Variants in SULT2A1 observed in about 807,000 individuals in gnomAD.
SULT2A1 encodes the protein sulfotransferase 2A1.
In SULT2A1, 43 loss-of-function variants were observed where a neutral mutation model predicts 33.9. The ratio of observed to expected loss-of-function variants is 1.27; its 90% confidence interval spans 1.00 to 1.64. The LOEUF (loss-of-function observed/expected upper bound fraction) is 1.64, where lower values mean the gene tolerates loss of function less well. Ranked by LOEUF, SULT2A1 falls within the 40% of genes most tolerant of loss-of-function variation. The pLI, the probability that SULT2A1 is intolerant of heterozygous loss-of-function variation, is 0.00. For synonymous variants in SULT2A1, 125 were observed against 113.6 expected, an observed-to-expected ratio of 1.10 and a Z score of -0.64; for missense variants, 300 against 335.1, an observed-to-expected ratio of 0.90 and a Z score of 0.82.
At chr19:47,873,323 C>T (rs1045787662) in intron 5 of SULT2A1, among the ~76,000 whole-genome samples, 1 of 151,996 alleles carries the variant, frequency 6.6e-6, no homozygotes, top group Non-Finnish European at 1.5e-5. Flanking sequence ...GCGCCCACCA[C>T]CACACTTGGC....
At chr19:47,877,670 C>T (rs1968560106) in intron 4 of SULT2A1, among the ~76,000 whole-genome samples, 1 of 151,354 alleles carries the variant, frequency 6.6e-6, no homozygotes, top group Non-Finnish European at 1.5e-5. Flanking sequence ...CTACCTCAGC[C>T]TCCCAAGTAG....
chr19:47,871,680 G>C (rs1968493901), intron 5 of SULT2A1, 113 bp from the exon 6 acceptor site: 11 of 725,662 alleles, frequency 1.5e-5, no homozygotes, highest in South Asian at 3.2e-5. Flanking sequence ...GATGGTTCGT[G>C]GTGGGCCTTT....
In SULT2A1 at chr19:47,871,095, C is replaced by T; in HGVS notation, c.*360G>A. 1 of 177,472 alleles carries T rather than the reference C, an allele frequency of 5.6e-6. No homozygotes were observed. Among genetic ancestry groups the T allele is most frequent in the Non-Finnish European group, 1.2e-5 (1 of 84,340 alleles). The allele number at this position is 177,472 out of a possible 1,614,324, so 11.0% of individuals were successfully genotyped here. A position where few individuals can be genotyped will look rare whatever the true frequency, so the allele number is the denominator to read the frequency against. On this transcript the variant is annotated 3_prime_UTR_variant, in exon 6 of 6. Transcript: ENST00000222002. Reference sequence around the variant, plus strand: ...CTGACCCCGTGATCCTCCCCCACCCCCCCGACCTCCCAAAGTGCTGGGATT... The same window carrying T: ...CTGACCCCGTGATCCTCCCCCACCCTCCCGACCTCCCAAAGTGCTGGGATT...
At chr19:47,873,051 C>T (rs1041653680) in intron 5 of SULT2A1, among the ~76,000 whole-genome samples, 9 of 152,044 alleles carry the variant, frequency 5.9e-5, no homozygotes, top group Non-Finnish European at 7.4e-5. Context: ...CGTGAGCCAC[C>T]GTACCCGGCC....
chr19:47,873,314 C>T (rs1019777249), intron 5 of SULT2A1, among the ~76,000 whole-genome samples: 1 of 151,832 alleles, frequency 6.6e-6, no homozygotes, highest in African/African-American at 2.4e-5. Flanking sequence ...GGATTACAGG[C>T]GCCCACCACC....
At chr19:47,874,407 C>T (rs185718634) in intron 5 of SULT2A1, among the ~76,000 whole-genome samples, 5 of 151,950 alleles carry the variant, frequency 3.3e-5, no homozygotes, top group African/African-American at 7.2e-5. Flanking sequence ...GGTGTGGTGG[C>T]GTGTGCCTGT....
At chr19:47,876,826 G>A (rs1968549195) in intron 4 of SULT2A1, among the ~76,000 whole-genome samples, 1 of 145,498 alleles carries the variant, frequency 6.9e-6, no homozygotes, top group Non-Finnish European at 1.5e-5. Flanking sequence ...TGTAATCCTA[G>A]CACTTTGGGA....
chr19:47,886,264 G>T lies in SULT2A1; in HGVS notation c.-7C>A. 1.2e-6 allele frequency: 2 copies of T among 1,613,766 alleles called. No individual in the cohort carries two copies. Among genetic ancestry groups the T allele is most frequent in the Non-Finnish European group, 1.7e-6 (2 of 1,179,864 alleles). The stretch of plus-strand genomic sequence containing the variant: ...ATAAGAAATCGTCCGACATGATGAT[G>T]ACCTCTTCCTGCGTGGTGTGAGGGT... On this transcript the variant is annotated 5_prime_UTR_variant, in exon 1 of 6. Transcript: ENST00000222002.
intron 4 of SULT2A1, among the ~76,000 whole-genome samples, chr19:47,878,282 T>C (rs562746120): frequency 5.3e-5 from 8 of 152,150 alleles, no homozygotes; most frequent in Non-Finnish European, 1.2e-4. Context: ...GCTCAAGTAA[T>C]TCCCCTGGCC....
Position 47,879,262 on chromosome 19 carries a change from A to C in SULT2A1, c.473-132T>G. The C allele has an allele frequency of 4.6e-6, 3 of 648,284 alleles. No homozygotes were observed. The South Asian group carries it at 5.2e-5, about 11-fold the overall frequency. 40.2% of individuals were successfully genotyped at this position (648,284 alleles called of 1,614,324 possible). A position where few individuals can be genotyped will look rare whatever the true frequency, so the allele number is the denominator to read the frequency against. On this transcript the variant is annotated intron_variant, in intron 3 of 5. Coordinates refer to ENST00000222002, the MANE Select transcript of SULT2A1 (RefSeq NM_003167.4). ...TAAAACTTGAATGAAACTTGGTCGA[A>C]GGGGACCAACAAATGGTATATATTT...
Position 47,883,629 on chromosome 19 carries a change from G to A in SULT2A1, c.293C>T (p.Ser98Phe), listed in dbSNP as rs1383819713. ...GGGGAATAACTGGATGGGGAGGTGGGAGGAGAATAAACGTGGACTCTCCGT... is the reference window on the plus strand; with the variant it reads ...GGGGAATAACTGGATGGGGAGGTGGAAGGAGAATAAACGTGGACTCTCCGT... ...SETESPRLFS[S>F]HLPIQLFPKS... Residue 98 changes from serine to phenylalanine, a missense_variant, in exon 2 of 6, where the codon TCC becomes TTC. Ser to Phe is a radical substitution (Grantham distance 155). Coordinates refer to ENST00000222002, the MANE Select transcript of SULT2A1 (RefSeq NM_003167.4). The A allele has an allele frequency of 1.2e-6, 2 of 1,613,932 alleles. No homozygotes were observed. Among genetic ancestry groups the A allele is most frequent in the African/African-American group, 1.3e-5 (1 of 74,886 alleles).
At chr19:47,878,187 AT>A (rs1342623624) in intron 4 of SULT2A1, among the ~76,000 whole-genome samples, 6 of 151,888 alleles carry the variant, frequency 4.0e-5, no homozygotes, top group African/African-American at 1.5e-4. Flanking sequence ...CCTTATTTTT[AT>A]TTTTAGAGCC....
intron 4 of SULT2A1, among the ~76,000 whole-genome samples, chr19:47,876,309 C>A (rs766991998): frequency 6.6e-6 from 1 of 152,152 alleles, no homozygotes; most frequent in South Asian, 2.1e-4. Flanking sequence ...AACCACCGCA[C>A]CTGGCCAACA....
intron 3 of SULT2A1, among the ~76,000 whole-genome samples, chr19:47,880,650 G>T (rs929936002): frequency 1.3e-5 from 2 of 151,634 alleles, no homozygotes; most frequent in African/African-American, 4.8e-5. Flanking sequence ...GCCATGGAGT[G>T]ATCTCGGCTC....
rs567736909 is a variant in SULT2A1, at chr19:47,886,294, A to G, written c.-37T>C. 12 of 1,611,128 alleles carry G rather than the reference A, an allele frequency of 7.4e-6. No individual in the cohort carries two copies. The highest frequency in any genetic ancestry group is 1.3e-5 in the African/African-American group (1 of 74,972). ...CTTCCTGCGTGGTGTGAGGGTTTCAACTGTAGCCACCGCTGGAGGCTGTGG... is the reference window on the plus strand; with the variant it reads ...CTTCCTGCGTGGTGTGAGGGTTTCAGCTGTAGCCACCGCTGGAGGCTGTGG... On this transcript the variant is annotated 5_prime_UTR_variant, in exon 1 of 6. Coordinates refer to ENST00000222002, the MANE Select transcript of SULT2A1 (RefSeq NM_003167.4).
intron 3 of SULT2A1, among the ~76,000 whole-genome samples, chr19:47,880,562 CATTATTATT>C (rs66892249): frequency 0.14 from 19,929 of 146,400 alleles, 1,479 homozygotes; most frequent in African/African-American, 0.18. Context: ...GTATGGAATA[CATTATTATT>C]ATTATTATTA....
Position 47,871,585 on chromosome 19 carries a change from A to C in SULT2A1, c.746-18T>G. 1 of 1,562,482 alleles carries C rather than the reference A, an allele frequency of 6.4e-7. No individual in the cohort carries two copies. Among genetic ancestry groups the C allele is most frequent in the Non-Finnish European group, 8.8e-7 (1 of 1,133,308 alleles). ...AGATACACCTGGAAACAAGAAGCAG[A>C]AACTCAGGTCAGACCACACATCTCC... is the stretch of plus-strand genomic sequence containing the variant. On this transcript the variant is annotated intron_variant, in intron 5 of 5. Transcript: ENST00000222002.
In SULT2A1 at chr19:47,882,971, C is replaced by G. The variant is rs1481815368; in HGVS notation, c.345+606G>C. ...CCTATAAACACCTTCCAGGAAAGTA[C>G]AATTCTAGAAGCAGTCTGAGCCATG... On this transcript the variant is annotated intron_variant, in intron 2 of 5. Transcript: ENST00000222002. Among the ~76,000 whole-genome samples the G allele has an allele frequency of 1.3e-5, 2 of 152,122 alleles. 1 individual carries two copies. Among genetic ancestry groups the G allele is most frequent in the Middle Eastern group, 6.8e-3 (2 of 294 alleles).
At position 47,886,267 on chromosome 19, in the gene SULT2A1, C is replaced by A. The variant is rs1163013246; in HGVS notation, c.-10G>T. On this transcript the variant is annotated 5_prime_UTR_variant, in exon 1 of 6. It adds an upstream start codon to the 5' untranslated region. Transcript: ENST00000222002. ...AGAAATCGTCCGACATGATGATGAC[C>A]TCTTCCTGCGTGGTGTGAGGGTTTC... 3 of 1,613,568 alleles carry A rather than the reference C, an allele frequency of 1.9e-6. No homozygotes were observed. The highest frequency in any genetic ancestry group is 2.5e-6 in the Non-Finnish European group (3 of 1,179,806).
Sources: gnomAD v4.1 joint callset for allele counts (sites outside exome capture counted in the v4.1 genomes callset) on GRCh38, gnomAD v4.1.1 for gene constraint, MANE v1.5 for transcripts, NCBI Gene and HGNC (gene_info 2026-07-23, HGNC 2026-07-21) for gene names.